The following THAP4 variants were observed in gnomAD, a reference collection of about 807,000 sequenced individuals.
THAP4 encodes THAP domain containing 4, also known as peroxynitrite isomerase THAP4.
THAP4 carries 18 observed loss-of-function variants against 48.1 expected under a neutral mutation model. That is an observed-to-expected ratio of 0.37 (90% CI 0.26 to 0.56). THAP4 has a LOEUF of 0.56. Ranked by LOEUF, THAP4 falls within the 20% of genes least tolerant of loss-of-function variation. The probability of loss-of-function intolerance (pLI) is 0.78; values close to 1 mark genes in which losing one functional copy is unlikely to be tolerated. For missense variants in THAP4, 656 were observed against 774.9 expected (o/e 0.85, Z 1.82); for synonymous variants, 345 against 324.9 (o/e 1.06, Z -0.66).
intron 2 of THAP4, among the ~76,000 whole-genome samples, chr2:241,625,760 T>C (rs182296916): frequency 8.5e-6 from 1 of 117,736 alleles, no homozygotes; most frequent in Admixed American, 1.2e-4. Context: ...ATCGTGCCAC[T>C]GCACTCCAGC....
intron 1 of THAP4, 65 bp from the exon 2 acceptor site, chr2:241,634,144 G>A: frequency 7.6e-6 from 10 of 1,314,064 alleles, no homozygotes; most frequent in Admixed American, 2.5e-5. Context: ...ATAATCAACT[G>A]TAAAAGCAAA....
In THAP4 at chr2:241,615,189, C is replaced by T. The variant is rs191661079; in HGVS notation, c.1241-8716G>A. Among the ~76,000 whole-genome samples the T allele has an allele frequency of 1.1e-3, 174 of 152,142 alleles. 1 individual carries two copies. Among genetic ancestry groups the T allele is most frequent in the African/African-American group, 3.8e-3 (157 of 41,484 alleles). ...AAGGATGGAGGGTGGGGAATCTGAA[C>T]GGTGACGGGGAGGGGCTTGGAGGGG... is the stretch of plus-strand genomic sequence containing the variant. On this transcript the variant is annotated intron_variant, in intron 2 of 5. Transcript: ENST00000407315.
rs940511589 is a variant in THAP4, at chr2:241,612,028, G to A, written c.1241-5555C>T. 2.6e-5 allele frequency among the ~76,000 whole-genome samples: 4 copies of A among 152,134 alleles called. No homozygotes were observed. Among genetic ancestry groups the A allele is most frequent in the South Asian group, 2.1e-4 (1 of 4,826 alleles). On this transcript the variant is annotated intron_variant, in intron 2 of 5. Coordinates refer to ENST00000407315, the MANE Select transcript of THAP4 (RefSeq NM_015963.6). This position sits in a 1 kb window ranked among gnomAD's most constrained non-coding sequence, Gnocchi z 4.1. ...AGTGATTCTCCCGCCTCAGCCTCCC[G>A]AGTAGTTGAATGAAGCTGCTCCATG...
intron 2 of THAP4, among the ~76,000 whole-genome samples, chr2:241,622,607 T>C (rs1043873468): frequency 1.7e-4 from 26 of 151,998 alleles, no homozygotes; most frequent in African/African-American, 6.3e-4. Context: ...AAAAAAAAGT[T>C]TTCTTTTTTT....
intron 1 of THAP4, among the ~76,000 whole-genome samples, chr2:241,635,772 A>C (rs568614275): frequency 6.6e-6 from 1 of 152,266 alleles, no homozygotes; most frequent in Admixed American, 6.5e-5. Flanking sequence ...CCTTCTCAAA[A>C]AAAAGAGAAA....
chr2:241,620,111 G>A (rs2067405400), intron 2 of THAP4, among the ~76,000 whole-genome samples: 1 of 104,948 alleles, frequency 9.5e-6, no homozygotes, highest in Non-Finnish European at 2.0e-5. Flanking sequence ...TGAGTGAGGG[G>A]TGAGGGGTAA....
Position 241,616,651 on chromosome 2 carries a change from T to C in THAP4, c.1241-10178A>G, listed in dbSNP as rs1344319144. ...CGCAGCACTTATGTGGCAATTTCTTTTTAAAAAACTAGAGAATTCTAAGAT... is the reference window on the plus strand; with the variant it reads ...CGCAGCACTTATGTGGCAATTTCTTCTTAAAAAACTAGAGAATTCTAAGAT... On this transcript the variant is annotated intron_variant, in intron 2 of 5. Coordinates refer to ENST00000407315, the MANE Select transcript of THAP4 (RefSeq NM_015963.6). The surrounding 1 kb of genome is among the most constrained non-coding windows in gnomAD (Gnocchi z 4.6). 1.3e-5 allele frequency among the ~76,000 whole-genome samples: 2 copies of C among 152,146 alleles called. No homozygotes were observed. The highest frequency in any genetic ancestry group is 6.5e-5 in the Admixed American group (1 of 15,272).
intron 5 of THAP4, among the ~76,000 whole-genome samples, chr2:241,599,196 G>A (rs2067084138): frequency 6.6e-6 from 1 of 151,390 alleles, no homozygotes; most frequent in South Asian, 2.1e-4. Context: ...AGGTTGCAGT[G>A]AGCTGAGATC....
intron 5 of THAP4, among the ~76,000 whole-genome samples, chr2:241,590,670 T>G (rs111297177): frequency 2.1e-5 from 1 of 47,700 alleles, no homozygotes; most frequent in African/African-American, 8.6e-5. Context: ...ACTAGGACAC[T>G]CAGAGCTGCT....
Position 241,633,047 on chromosome 2 carries a change from G to T in THAP4, c.1110C>A (p.Asn370Lys). Reference protein sequence around the residue: ...CCLREQVEKKNGELKSLRQRV... With the variant: ...CCLREQVEKKKGELKSLRQRV... ...TCTGCCGCAGGCTCTTCAGCTCGCC[G>T]TTCTTCTTCTCCACCTGCTCCCGCA... Residue 370 changes from asparagine to lysine, a missense_variant, in exon 2 of 6, where the codon AAC becomes AAA. Asn to Lys is a moderately conservative substitution (Grantham distance 94, BLOSUM62 0). Coordinates refer to ENST00000407315, the MANE Select transcript of THAP4 (RefSeq NM_015963.6). This position sits in a 1 kb window ranked among gnomAD's most constrained non-coding sequence, Gnocchi z 7.5. 6.2e-7 allele frequency: 1 copy of T among 1,613,954 alleles called. No individual in the cohort carries two copies. Among genetic ancestry groups the T allele is most frequent in the East Asian group, 2.2e-5 (1 of 44,882 alleles).
chr2:241,607,471 G>T (rs559206333), intron 2 of THAP4, among the ~76,000 whole-genome samples: 1 of 151,960 alleles, frequency 6.6e-6, no homozygotes, highest in East Asian at 1.9e-4. Context: ...GAGAAGGACT[G>T]ATCCCCAGAG....
chr2:241,622,997 C>T (rs2125093040), intron 2 of THAP4, among the ~76,000 whole-genome samples: 1 of 148,028 alleles, frequency 6.8e-6, no homozygotes, highest in South Asian at 2.2e-4. Context: ...GCGGGCGGAT[C>T]ACAATGTCAG....
chr2:241,624,627 C>G (rs1172648589), intron 2 of THAP4, among the ~76,000 whole-genome samples: 1 of 152,158 alleles, frequency 6.6e-6, no homozygotes, highest in African/African-American at 2.4e-5. Context: ...GTTCACCAAC[C>G]TGGAAGCTCT....
In THAP4 at chr2:241,616,241, TGA is replaced by T. The variant is rs201032817; in HGVS notation, c.1241-9770_1241-9769del. Among the ~76,000 whole-genome samples the T allele has an allele frequency of 8.8e-3, 1,339 of 151,540 alleles. 9 individuals carry two copies. Among genetic ancestry groups the T allele is most frequent in the Non-Finnish European group, 0.014 (967 of 67,880 alleles). On this transcript the variant is annotated intron_variant, in intron 2 of 5. Coordinates refer to ENST00000407315, the MANE Select transcript of THAP4 (RefSeq NM_015963.6). The surrounding 1 kb of genome is among the most constrained non-coding windows in gnomAD (Gnocchi z 4.6). The stretch of plus-strand genomic sequence containing the variant: ...ACGACTAGCCCAAGGGAGATGGAAA[TGA>T]GAGTGAGATAAGAGGGATGGGTGGG...
intron 2 of THAP4, among the ~76,000 whole-genome samples, chr2:241,626,299 G>A (rs1157411085): frequency 6.6e-6 from 1 of 151,878 alleles, no homozygotes; most frequent in Non-Finnish European, 1.5e-5. Context: ...AAATTAGCTG[G>A]ACATGGTGGC....
intron 2 of THAP4, among the ~76,000 whole-genome samples, chr2:241,609,493 G>A (rs1332574366): frequency 1.3e-5 from 2 of 152,200 alleles, no homozygotes; most frequent in South Asian, 2.1e-4. Flanking sequence ...TGAAAAGAAA[G>A]AGGCTTTGGG....
intron 2 of THAP4, among the ~76,000 whole-genome samples, chr2:241,624,440 T>A (rs1575036511): frequency 6.6e-6 from 1 of 150,902 alleles, no homozygotes; most frequent in Non-Finnish European, 1.5e-5. Context: ...TGAGCCGAGA[T>A]CGCGCCACTG....
At chr2:241,599,926 G>A (rs1034521217) in intron 5 of THAP4, among the ~76,000 whole-genome samples, 10 of 152,078 alleles carry the variant, frequency 6.6e-5, no homozygotes, top group African/African-American at 2.4e-4. Context: ...AAAGACAAAC[G>A]AGGCTGGGCA....
rs1012998050 is a variant in THAP4 at position 241,634,173 on chromosome 2, A to G, written c.78-94T>C. ...AAGCAAAACAAGTATTTTTGCACGC[A>G]CCCTAAGCCGTATTGACTTCATCCA... is the stretch of plus-strand genomic sequence containing the variant. On this transcript the variant is annotated intron_variant, in intron 1 of 5. Transcript: ENST00000407315. 30 of 949,086 alleles carry G rather than the reference A, an allele frequency of 3.2e-5. 1 individual carries two copies. In the South Asian group the frequency reaches 4.2e-4, roughly 13 times the overall value. 58.8% of individuals were successfully genotyped at this position (949,086 alleles called of 1,614,324 possible).
Sources: gnomAD v4.1 joint callset for allele counts (sites outside exome capture counted in the v4.1 genomes callset) on GRCh38, gnomAD v4.1.1 for gene constraint, Gnocchi (gnomAD v3.1) non-coding constraint, MANE v1.5 for transcripts, NCBI Gene and HGNC (gene_info 2026-07-23, HGNC 2026-07-21) for gene names.